Variants in ARHGEF4 observed in about 807,000 individuals in gnomAD.
ARHGEF4 encodes Rho guanine nucleotide exchange factor 4.
A neutral mutation model predicts 162.0 loss-of-function variants in ARHGEF4; 119 were observed. The ratio of observed to expected loss-of-function variants is 0.73; its 90% CI spans 0.63 to 0.86. The LOEUF (loss-of-function observed/expected upper bound fraction) is 0.86, where lower values mean the gene tolerates loss of function less well. Among genes scored for constraint, ARHGEF4 ranks in the 40% least tolerant of loss-of-function variants. The pLI is 0.00. For synonymous variants in ARHGEF4, 1,014 were observed against 979.9 expected (o/e 1.03, Z -0.65); for missense variants, 2,488 against 2,456.0 (o/e 1.01, Z -0.28).
Position 131,039,624 on chromosome 2 carries a change from C to T in ARHGEF4, c.4306-392C>T, listed in dbSNP as rs1302100706. 6 of 1,100,764 alleles carry T rather than the reference C, an allele frequency of 5.5e-6. No homozygotes were observed. The East Asian group carries it at 2.3e-4, about 43-fold the overall frequency. 68.2% of individuals were successfully genotyped at this position (1,100,764 alleles called of 1,614,324 possible). ...AGATCCCCTGGGAAACTGTCCACTC[C>T]GCACCCTAAGCCTTTCCCCAAGTTG... is the stretch of plus-strand genomic sequence containing the variant. On this transcript the variant is annotated intron_variant, in intron 6 of 13. Transcript: ENST00000409359.
At chr2:131,036,396 C>G (rs888361480) in intron 5 of ARHGEF4, among the ~76,000 whole-genome samples, 1 of 152,242 alleles carries the variant, frequency 6.6e-6, no homozygotes, top group Admixed American at 6.5e-5. Flanking sequence ...GCTCACGGCA[C>G]GTGTCCCTCT....
chr2:130,928,024 C>T (rs1314226138), intron 2 of ARHGEF4, among the ~76,000 whole-genome samples: 5 of 152,002 alleles, frequency 3.3e-5, no homozygotes, highest in Non-Finnish European at 7.4e-5. Context: ...TACATTTTCT[C>T]TTTCCTAGTT....
At chr2:130,845,204 C>T (rs1680873786) in intron 1 of ARHGEF4, among the ~76,000 whole-genome samples, 1 of 151,570 alleles carries the variant, frequency 6.6e-6, no homozygotes, top group East Asian at 2.0e-4. Flanking sequence ...TGTTGCTGGC[C>T]GAAGTTCCTG....
At chr2:131,032,442 C>A (rs1336499333) in intron 5 of ARHGEF4, among the ~76,000 whole-genome samples, 3 of 151,990 alleles carry the variant, frequency 2.0e-5, no homozygotes, top group Admixed American at 6.5e-5. Flanking sequence ...CTTATTCCCC[C>A]TCCTCAGCCC....
chr2:131,036,397 G>A (rs941228769), intron 5 of ARHGEF4, among the ~76,000 whole-genome samples: 1 of 152,230 alleles, frequency 6.6e-6, no homozygotes, highest in Non-Finnish European at 1.5e-5. Context: ...CTCACGGCAC[G>A]TGTCCCTCTG....
intron 4 of ARHGEF4, among the ~76,000 whole-genome samples, chr2:130,987,684 AG>A (rs1686615644): frequency 6.6e-6 from 1 of 152,190 alleles, no homozygotes; most frequent in Non-Finnish European, 1.5e-5. Context: ...CACTCGACCC[AG>A]GAAGTCCAGC....
intron 1 of ARHGEF4, among the ~76,000 whole-genome samples, chr2:130,880,590 A>G (rs970562956): frequency 3.9e-5 from 6 of 152,218 alleles, no homozygotes; most frequent in African/African-American, 1.2e-4. Context: ...GCTGCAGTGC[A>G]GTGGCAAGAT....
At chr2:130,907,751 A>G (rs1306664456) in intron 1 of ARHGEF4, among the ~76,000 whole-genome samples, 1 of 151,730 alleles carries the variant, frequency 6.6e-6, no homozygotes, top group Non-Finnish European at 1.5e-5. Flanking sequence ...CAGGAGATCG[A>G]GACGATCCTG....
chr2:130,872,477 G>A (rs1016934665), intron 1 of ARHGEF4, among the ~76,000 whole-genome samples: 23 of 151,978 alleles, frequency 1.5e-4, no homozygotes, highest in African/African-American at 3.4e-4. Context: ...GCCCCTTTCC[G>A]GGACTTAGGT....
Position 130,905,107 on chromosome 2 carries a change from TTA to T in ARHGEF4, c.40-8877_40-8876del, listed in dbSNP as rs541078283. 5.6e-4 allele frequency among the ~76,000 whole-genome samples: 43 copies of T among 76,430 alleles called. No homozygotes were observed. The East Asian group carries it at 0.067, about 119-fold the overall frequency. 50.1% of individuals were successfully genotyped at this position (76,430 alleles called of 152,430 possible). ...CAAACAAACAAATAAAAAGTATTAT[TTA>T]TTTTTTTTTATTTCAATGTTTTTTA... On this transcript the variant is annotated intron_variant, in intron 1 of 13. Coordinates refer to ENST00000409359, the MANE Select transcript of ARHGEF4 (RefSeq NM_001367493.1).
chr2:130,995,851 A>G (rs1270389863), intron 4 of ARHGEF4, among the ~76,000 whole-genome samples: 2 of 142,278 alleles, frequency 1.4e-5, no homozygotes, highest in Non-Finnish European at 3.1e-5. Context: ...AGTTGCTCTC[A>G]CCCCAGCCCC....
intron 4 of ARHGEF4, among the ~76,000 whole-genome samples, chr2:130,978,155 A>G (rs902598062): frequency 2.6e-5 from 4 of 152,204 alleles, no homozygotes; most frequent in Non-Finnish European, 5.9e-5. Context: ...ATCCAAAAGC[A>G]ACTGTCTATG....
chr2:130,840,174 T>G (rs1680508079), intron 1 of ARHGEF4, among the ~76,000 whole-genome samples: 1 of 151,634 alleles, frequency 6.6e-6, no homozygotes, highest in Admixed American at 6.6e-5. Flanking sequence ...CATACACACT[T>G]GGGACACACA....
At position 131,044,381 on chromosome 2, in the gene ARHGEF4, A is replaced by G; in HGVS notation, c.5240A>G (p.Lys1747Arg). 2 of 1,594,620 alleles carry G rather than the reference A, an allele frequency of 1.3e-6. No individual in the cohort carries two copies. Among genetic ancestry groups the G allele is most frequent in the Non-Finnish European group, 1.7e-6 (2 of 1,170,658 alleles). Residue 1747 changes from lysine (K) to arginine (R), a missense_variant, in exon 12 of 14, where the codon AAG becomes AGG. By Grantham distance (26) the Lys-to-Arg change is conservative. Coordinates refer to ENST00000409359, the MANE Select transcript of ARHGEF4 (RefSeq NM_001367493.1). ...GAGGTGGTGGACCTGGAGGACGGGAAGGACAGAGACCTCCATGTGAGCATC... is the reference window on the plus strand; with the variant it reads ...GAGGTGGTGGACCTGGAGGACGGGAGGGACAGAGACCTCCATGTGAGCATC... ...GLEVVDLEDGKDRDLHVSIKN... is the reference protein window; with the variant it reads ...GLEVVDLEDGRDRDLHVSIKN...
At chr2:131,025,796 GTAAGA>G (rs1689442470) in intron 4 of ARHGEF4, among the ~76,000 whole-genome samples, 1 of 152,116 alleles carries the variant, frequency 6.6e-6, no homozygotes, top group Non-Finnish European at 1.5e-5. Context: ...CTCCCTGAGA[GTAAGA>G]TAAGAGTCAT....
At chr2:130,853,762 C>A (rs938612009) in intron 1 of ARHGEF4, among the ~76,000 whole-genome samples, 6 of 152,226 alleles carry the variant, frequency 3.9e-5, no homozygotes, top group Non-Finnish European at 7.3e-5. Flanking sequence ...TTGCTTGTGT[C>A]CAGTGTTGTG....
intron 1 of ARHGEF4, among the ~76,000 whole-genome samples, chr2:130,850,066 A>T (rs1420680148): frequency 6.6e-6 from 1 of 152,128 alleles, no homozygotes; most frequent in Non-Finnish European, 1.5e-5. Context: ...GGAGGTCCCA[A>T]GCCCTCACCC....
Position 131,043,499 on chromosome 2 carries a change from G to T in ARHGEF4, c.5073G>T (p.Glu1691Asp). 1 of 1,614,116 alleles carries T rather than the reference G, an allele frequency of 6.2e-7. No individual in the cohort carries two copies. The highest frequency in any genetic ancestry group is 1.1e-5 in the South Asian group (1 of 91,086). Residue 1691 changes from glutamate to aspartate, a missense_variant, in exon 11 of 14, where the codon GAG becomes GAT. Transcript: ENST00000409359. Reference sequence around the variant, plus strand: ...GCTCAGAACTCATCTACTCGGGGGAGCTGACTCGAGTTACACAGCCTCAAG... The same window carrying T: ...GCTCAGAACTCATCTACTCGGGGGATCTGACTCGAGTTACACAGCCTCAAG... ...VRSSELIYSG[E>D]LTRVTQPQAK...
intron 3 of ARHGEF4, among the ~76,000 whole-genome samples, chr2:130,932,640 A>G (rs1682702824): frequency 1.3e-5 from 2 of 152,346 alleles, no homozygotes; most frequent in South Asian, 2.1e-4. Context: ...AATTTTGATG[A>G]AATCTACTTT....
Sources: gnomAD v4.1 joint callset for allele counts (sites outside exome capture counted in the v4.1 genomes callset) on GRCh38, gnomAD v4.1.1 for gene constraint, MANE v1.5 for transcripts, NCBI Gene and HGNC (gene_info 2026-07-23, HGNC 2026-07-21) for gene names.